Variants in VAMP2 observed in about 807,000 individuals in gnomAD.
VAMP2 encodes the protein vesicle-associated membrane protein 2.
For synonymous variants in VAMP2, 67 were observed against 57.3 expected, an observed-to-expected ratio of 1.17 and a Z score of -0.76; for missense variants, 95 against 151.3, an observed-to-expected ratio of 0.63 and a Z score of 1.95.
intron 4 of VAMP2, 53 bp from the exon 5 acceptor site, chr17:8,160,924 G>A (rs1247235322): frequency 1.7e-5 from 24 of 1,402,286 alleles, no homozygotes; most frequent in Non-Finnish European, 2.2e-5. Context: ...GAGAAAGAGA[G>A]AGAACAAGAA....
rs772100314 is a variant in VAMP2, at chr17:8,160,394, T to TTTTTTTTTTTTTTTG, written c.*460_*461insCAAAAAAAAAAAAAA. 7.7e-6 allele frequency: 1 copy of TTTTTTTTTTTTTTTG among 129,452 alleles called. No individual in the cohort carries two copies. The highest frequency in any genetic ancestry group is 1.7e-5 in the Non-Finnish European group (1 of 59,738). The allele number at this position is 129,452 out of a possible 1,614,324, so 8.0% of individuals were successfully genotyped here. The stretch of plus-strand genomic sequence containing the variant: ...CAGGTGCTGTTGTTTTTTTTTTTTT[T>TTTTTTTTTTTTTTTG]TTTTTTTTTTTGAGGGCGGGGCAGA... On this transcript the variant is annotated 3_prime_UTR_variant, in exon 5 of 5. Coordinates refer to ENST00000316509, the MANE Select transcript of VAMP2 (RefSeq NM_014232.3).
In VAMP2 at chr17:8,162,882, C is replaced by A; in HGVS notation, c.-3G>T. 8.2e-7 allele frequency: 1 copy of A among 1,212,254 alleles called. No individual in the cohort carries two copies. Among genetic ancestry groups the A allele is most frequent in the Non-Finnish European group, 1.0e-6 (1 of 975,314 alleles). 75.1% of individuals were successfully genotyped at this position (1,212,254 alleles called of 1,614,324 possible). On this transcript the variant is annotated 5_prime_UTR_variant, in exon 1 of 5. Transcript: ENST00000316509. ...GGTGGCGGGCGGCCGACTCACATGG[C>A]GGGGGCAGCGGGTGGAGGACTTGGC...
chr17:8,160,634 A>C lies in VAMP2; in HGVS notation c.*221T>G. On this transcript the variant is annotated 3_prime_UTR_variant, in exon 5 of 5. Transcript: ENST00000316509. ...ACCTCAGGAAGGGGTGTTAAGGACA[A>C]CCGGAAAAATCATCTAGTAATAAAA... The C allele has an allele frequency of 1.4e-5, 4 of 295,290 alleles. No individual in the cohort carries two copies. The highest frequency in any genetic ancestry group is 1.2e-5 in the Non-Finnish European group (2 of 163,996). 18.3% of individuals were successfully genotyped at this position (295,290 alleles called of 1,614,324 possible). A position where few individuals can be genotyped will look rare whatever the true frequency, so the allele number is the denominator to read the frequency against.
chr17:8,162,203 A>AT (rs1261065951), intron 2 of VAMP2, 46 bp downstream of exon 2: 1 of 1,500,244 alleles, frequency 6.7e-7, no homozygotes, highest in Non-Finnish European at 8.9e-7. Flanking sequence ...CCTATACGCC[A>AT]ACCCCCAGGG....
Position 8,162,343 on chromosome 17 carries a change from G to A in VAMP2, c.29C>T (p.Pro10Leu). The A allele has an allele frequency of 1.9e-6, 3 of 1,601,618 alleles. No homozygotes were observed. The highest frequency in any genetic ancestry group is 1.3e-5 in the African/African-American group (1 of 74,234). Reference sequence around the variant, plus strand: ...ACCACCCTCCCCAGCCGGGGCAGCAGGGGGGGCCGTGGCAGCGGTAGCAGA... The same window carrying A: ...ACCACCCTCCCCAGCCGGGGCAGCAAGGGGGGCCGTGGCAGCGGTAGCAGA... MSATAATAP[P>L]AAPAGEGGPP... The change falls in exon 2 of 5, where the codon CCT (proline) becomes CTT (leucine). Residue 10 changes from proline to leucine, a missense_variant. Coordinates refer to ENST00000316509, the MANE Select transcript of VAMP2 (RefSeq NM_014232.3).
rs1161888792 is a variant in VAMP2 at position 8,160,823 on chromosome 17, C to T, written c.*32G>A. On this transcript the variant is annotated 3_prime_UTR_variant, in exon 5 of 5. Coordinates refer to ENST00000316509, the MANE Select transcript of VAMP2 (RefSeq NM_014232.3). Reference sequence around the variant, plus strand: ...AACGGCTGAGGGTTGGGGGAGAGGCCCTTCTCTAGGCAGGGCAGACTCCTC... The same window carrying T: ...AACGGCTGAGGGTTGGGGGAGAGGCTCTTCTCTAGGCAGGGCAGACTCCTC... The T allele has an allele frequency of 3.1e-6, 5 of 1,603,386 alleles. No individual in the cohort carries two copies. Among genetic ancestry groups the T allele is most frequent in the Non-Finnish European group, 4.3e-6 (5 of 1,173,706 alleles).
At chr17:8,161,150 T>TG in intron 4 of VAMP2, 1 of 556,246 alleles carries the variant, frequency 1.8e-6, no homozygotes, top group Non-Finnish European at 3.2e-6. Context: ...GTTGGCTTCC[T>TG]GGTCATGTCT....
At chr17:8,161,825 T>A in intron 2 of VAMP2, 59 bp from the exon 3 acceptor site, 1 of 1,581,046 alleles carries the variant, frequency 6.3e-7, no homozygotes, top group East Asian at 2.3e-5. Flanking sequence ...GTGAGGGCAA[T>A]CCTCAAACAT....
chr17:8,161,455 CA>C lies in VAMP2; in HGVS notation c.334+17del, dbSNP rs1567543782. ...ACCTCTCCAGGGAAAGGGCCCCGGC[CA>C]TTCTCACCCTACTCACCTATGATGA... is the stretch of plus-strand genomic sequence containing the variant. On this transcript the variant is annotated intron_variant, in intron 4 of 4. Transcript: ENST00000316509. 1 of 1,613,844 alleles carries C rather than the reference CA, an allele frequency of 6.2e-7. No homozygotes were observed. The highest frequency in any genetic ancestry group is 1.1e-5 in the South Asian group (1 of 91,044).
At chr17:8,161,562 G>A in intron 3 of VAMP2, 38 bp from the exon 4 acceptor site, 2 of 1,614,088 alleles carry the variant, frequency 1.2e-6, no homozygotes, top group Non-Finnish European at 1.7e-6. Flanking sequence ...GACAAACTAT[G>A]ATACCCCATT....
In VAMP2 at chr17:8,162,305, G is replaced by A. The variant is rs1215496180; in HGVS notation, c.67C>T (p.Pro23Ser). ...PAGEGGPPAP[P>S]PNLTSNRRLQ... is the part of the protein sequence containing the mutation. ...CTCCTGTTACTGGTGAGGTTTGGAG[G>A]GGGTGCAGGGGGACCACCCTCCCCA... Residue 23 changes from proline (P) to serine (S), a missense_variant, in exon 2 of 5, where the codon CCT (proline) becomes TCT (serine). Coordinates refer to ENST00000316509, the MANE Select transcript of VAMP2 (RefSeq NM_014232.3). 5 of 1,595,402 alleles carry A rather than the reference G, an allele frequency of 3.1e-6. No homozygotes were observed. In the East Asian group the frequency reaches 6.8e-5, roughly 22 times the overall value.
At chr17:8,162,744 C>G in intron 1 of VAMP2, 134 bp downstream of exon 1, 2 of 1,275,446 alleles carry the variant, frequency 1.6e-6, no homozygotes, top group Non-Finnish European at 2.0e-6. Context: ...GCCGCCCGCG[C>G]GCAGTCACCG....
chr17:8,162,292 G>A lies in VAMP2; in HGVS notation c.80C>T (p.Thr27Ile), dbSNP rs1983337600. The A allele has an allele frequency of 6.3e-7, 1 of 1,580,964 alleles. No homozygotes were observed. The highest frequency in any genetic ancestry group is 8.6e-7 in the Non-Finnish European group (1 of 1,168,218). ...GGPPAPPPNL[T>I]SNRRLQQTQA... ...GGTCTGCTGCAGTCTCCTGTTACTG[G>A]TGAGGTTTGGAGGGGGTGCAGGGGG... Residue 27 changes from threonine (T) to isoleucine (I), a missense_variant, in exon 2 of 5, where the codon ACC becomes ATC. Physicochemically the swap from Thr to Ile is moderately conservative, Grantham distance 89 (BLOSUM62 -1). Coordinates refer to ENST00000316509, the MANE Select transcript of VAMP2 (RefSeq NM_014232.3).
In VAMP2 at chr17:8,160,811, T is replaced by G. The variant is rs1321766477; in HGVS notation, c.*44A>C. 1 of 1,597,266 alleles carries G rather than the reference T, an allele frequency of 6.3e-7. No individual in the cohort carries two copies. The highest frequency in any genetic ancestry group is 1.4e-5 in the African/African-American group (1 of 73,828). ...GAGAGGTGGAGGAACGGCTGAGGGT[T>G]GGGGGAGAGGCCCTTCTCTAGGCAG... On this transcript the variant is annotated 3_prime_UTR_variant, in exon 5 of 5. Coordinates refer to ENST00000316509, the MANE Select transcript of VAMP2 (RefSeq NM_014232.3).
In VAMP2 at chr17:8,160,850, G is replaced by A. The variant is rs771787231; in HGVS notation, c.*5C>T. The A allele has an allele frequency of 6.2e-7, 1 of 1,610,706 alleles. No individual in the cohort carries two copies. Among genetic ancestry groups the A allele is most frequent in the Non-Finnish European group, 8.5e-7 (1 of 1,178,168 alleles). ...TTCTCTAGGCAGGGCAGACTCCTCG[G>A]GGATTTAAGTGCTGAAGTAAACTGT... On this transcript the variant is annotated 3_prime_UTR_variant, in exon 5 of 5. Coordinates refer to ENST00000316509, the MANE Select transcript of VAMP2 (RefSeq NM_014232.3).
Position 8,160,394 on chromosome 17 carries a change from T to TTTG in VAMP2, c.*460_*461insCAA, listed in dbSNP as rs1983268011. On this transcript the variant is annotated 3_prime_UTR_variant, in exon 5 of 5. Transcript: ENST00000316509. ...CAGGTGCTGTTGTTTTTTTTTTTTTTTTTTTTTTTTTGAGGGCGGGGCAGA... is the reference window on the plus strand; with the variant it reads ...CAGGTGCTGTTGTTTTTTTTTTTTTTTTGTTTTTTTTTTTGAGGGCGGGGCAGA... The TTTG allele has an allele frequency of 7.7e-6, 1 of 129,452 alleles. No individual in the cohort carries two copies. 8.0% of individuals were successfully genotyped at this position (129,452 alleles called of 1,614,324 possible). A position where few individuals can be genotyped will look rare whatever the true frequency, so the allele number is the denominator to read the frequency against.
In VAMP2 at chr17:8,161,480, G is replaced by A. The variant is rs1321392424; in HGVS notation, c.327C>T (p.Ile109=). The change falls in exon 4 of 5, where the codon ATC becomes ATT. Residue 109 remains isoleucine, a synonymous_variant. Coordinates refer to ENST00000316509, the MANE Select transcript of VAMP2 (RefSeq NM_014232.3). The part of the protein sequence containing the change: ...LGVICAIILI[I]IIVYFST ...CATTCTCACCCTACTCACCTATGAT[G>A]ATGATGAGGATGATGGCGCAAATCA... 6.2e-7 allele frequency: 1 copy of A among 1,613,990 alleles called. No individual in the cohort carries two copies. The highest frequency in any genetic ancestry group is 1.3e-5 in the African/African-American group (1 of 74,900).
Position 8,162,165 on chromosome 17 carries a change from C to G in VAMP2, c.123+84G>C, listed in dbSNP as rs931482136. The G allele has an allele frequency of 2.7e-6, 4 of 1,482,830 alleles. No homozygotes were observed. The Admixed American group carries it at 9.9e-5, about 37-fold the overall frequency. The allele number at this position is 1,482,830 out of a possible 1,614,324, so 91.9% of individuals were successfully genotyped here. A position where few individuals can be genotyped will look rare whatever the true frequency, so the allele number is the denominator to read the frequency against. On this transcript the variant is annotated intron_variant, in intron 2 of 4. Coordinates refer to ENST00000316509, the MANE Select transcript of VAMP2 (RefSeq NM_014232.3). ...CAAACCCACAGGCGTGAACTGTCAT[C>G]ACTCCCAAACCAACATGGGCCCCTA... is the stretch of plus-strand genomic sequence containing the variant.
At chr17:8,160,993 CCT>C (rs1334603429) in intron 4 of VAMP2, 122 bp from the exon 5 acceptor site, 164 of 829,594 alleles carry the variant, frequency 2.0e-4, no homozygotes, top group Admixed American at 3.3e-4. Context: ...TGGCTGACAC[CCT>C]CTCTTGGACT....
Sources: allele counts gnomAD v4.1 joint callset, GRCh38; gene constraint gnomAD v4.1.1; transcripts MANE v1.5; gene names NCBI Gene and HGNC (gene_info 2026-07-23, HGNC 2026-07-21).